TRPM3: variants seen among roughly 807,000 people sequenced by gnomAD.
TRPM3 encodes the protein long transient receptor potential channel 3.
TRPM3 carries 77 observed loss-of-function variants against 181.2 expected under a neutral mutation model. The ratio of observed to expected loss-of-function variants is 0.42; its 90% CI spans 0.35 to 0.51. The LOEUF (loss-of-function observed/expected upper bound fraction) is 0.51. Ranked by LOEUF, TRPM3 falls within the 20% of genes least tolerant of loss-of-function variation. The pLI, the probability that TRPM3 is intolerant of heterozygous loss-of-function variation, is 0.01. For synonymous variants in TRPM3, 745 were observed against 796.4 expected, an observed-to-expected ratio of 0.94 and a Z score of 1.09; for missense variants, 1,759 against 2,196.7, an observed-to-expected ratio of 0.80 and a Z score of 3.98.
intron 1 of TRPM3, among the ~76,000 whole-genome samples, chr9:70,928,814 T>C (rs1160628834): frequency 6.6e-6 from 1 of 152,192 alleles, no homozygotes; most frequent in African/African-American, 2.4e-5. Flanking sequence ...TGGCTGATCT[T>C]GGCCCTTGCT....
intron 1 of TRPM3, among the ~76,000 whole-genome samples, chr9:71,131,216 C>T (rs905786246): frequency 6.6e-6 from 1 of 152,162 alleles, no homozygotes; most frequent in African/African-American, 2.4e-5. Flanking sequence ...ATATGCTGTT[C>T]CCTCTTCTAA....
At chr9:70,692,246 G>A (rs2068823404) in intron 8 of TRPM3, among the ~76,000 whole-genome samples, 1 of 152,172 alleles carries the variant, frequency 6.6e-6, no homozygotes, top group African/African-American at 2.4e-5. Flanking sequence ...TTGTCCAATA[G>A]ATGTGTTGTA....
At chr9:71,427,695 G>A (rs997455269) in intron 1 of TRPM3, among the ~76,000 whole-genome samples, 28 of 152,236 alleles carry the variant, frequency 1.8e-4, no homozygotes, top group African/African-American at 5.8e-4. Flanking sequence ...CACCAAGTGC[G>A]AGCTAAACAT....
intron 1 of TRPM3, among the ~76,000 whole-genome samples, chr9:71,057,577 G>A (rs931024605): frequency 6.6e-6 from 1 of 151,968 alleles, no homozygotes; most frequent in Non-Finnish European, 1.5e-5. Context: ...TGATGTGTCT[G>A]GCATTTCATA....
chr9:70,572,713 T>C (rs1385872931), intron 22 of TRPM3, among the ~76,000 whole-genome samples: 2 of 152,214 alleles, frequency 1.3e-5, no homozygotes, highest in African/African-American at 4.8e-5. Context: ...TTTTATAACA[T>C]ATCAGTGAGT....
chr9:71,237,454 A>G (rs1400649981), intron 1 of TRPM3, among the ~76,000 whole-genome samples: 1 of 152,118 alleles, frequency 6.6e-6, no homozygotes. Flanking sequence ...AAGGTGGCTG[A>G]GGGGAAAAAA....
At chr9:71,036,297 G>A (rs1169765566) in intron 1 of TRPM3, among the ~76,000 whole-genome samples, 2 of 152,082 alleles carry the variant, frequency 1.3e-5, no homozygotes, top group Non-Finnish European at 2.9e-5. Flanking sequence ...CAATTTCAGT[G>A]ACTGCTTTAC....
intron 1 of TRPM3, among the ~76,000 whole-genome samples, chr9:70,896,803 G>T (rs912175738): frequency 6.8e-5 from 10 of 147,588 alleles, no homozygotes; most frequent in African/African-American, 2.5e-4. Flanking sequence ...GATGAGATTT[G>T]CAGGGGCTAA....
At position 70,536,978 on chromosome 9, in the gene TRPM3, C is replaced by T. The variant is rs369084766; in HGVS notation, c.4135G>A (p.Ala1379Thr). 137 of 1,613,234 alleles carry T rather than the reference C, an allele frequency of 8.5e-5. No homozygotes were observed. Among genetic ancestry groups the T allele is most frequent in the Middle Eastern group, 1.6e-4 (1 of 6,084 alleles). ...FKERSLSLHR[A>T]TSSHSVAKEP... ...TTTGCTACAGAGTGGGAACTAGTAG[C>T]CCGGTGTAGGCTCAGGGACCTTTCT... The change falls in exon 26 of 26, where the codon GCT becomes ACT. Residue 1379 changes from alanine (A) to threonine (T), a missense_variant. Around this residue, in one of 8 missense-constraint regions of TRPM3, gnomAD observed 612 missense variants for 590.0 expected, o/e 1.04. Transcript: ENST00000677713.
intron 6 of TRPM3, among the ~76,000 whole-genome samples, chr9:70,811,461 C>G (rs1322702201): frequency 2.6e-5 from 4 of 152,154 alleles, no homozygotes; most frequent in African/African-American, 9.7e-5. Flanking sequence ...AATCATAGCT[C>G]TTTGCTGGAG....
intron 1 of TRPM3, among the ~76,000 whole-genome samples, chr9:71,297,708 G>A (rs192969403): frequency 2.6e-4 from 39 of 152,282 alleles, no homozygotes; most frequent in African/African-American, 9.4e-4. Flanking sequence ...GATGAGATAT[G>A]GGTTGGGACA....
chr9:71,015,407 C>T (rs1199759059), intron 1 of TRPM3, among the ~76,000 whole-genome samples: 1 of 152,192 alleles, frequency 6.6e-6, no homozygotes, highest in African/African-American at 2.4e-5. Context: ...ATAATTAACA[C>T]TTCAGCCAGG....
chr9:70,552,700 C>T lies in TRPM3; in HGVS notation c.3574+144G>A, dbSNP rs143854489. On this transcript the variant is annotated intron_variant, in intron 24 of 25. Coordinates refer to ENST00000677713, the MANE Select transcript of TRPM3 (RefSeq NM_001366145.2). ...CTCATTCAAGTCAACTCCCTCATCC[C>T]CCAATGCTCTCCAAGCCTTCAGAGC... is the stretch of plus-strand genomic sequence containing the variant. 12 of 816,232 alleles carry T rather than the reference C, an allele frequency of 1.5e-5. No individual in the cohort carries two copies. The South Asian group carries it at 1.8e-4, about 12-fold the overall frequency. 50.6% of individuals were successfully genotyped at this position (816,232 alleles called of 1,614,324 possible). A position where few individuals can be genotyped will look rare whatever the true frequency, so the allele number is the denominator to read the frequency against.
chr9:71,354,103 G>A lies in TRPM3; in HGVS notation c.183+92550C>T, dbSNP rs189539867. On this transcript the variant is annotated intron_variant, in intron 1 of 24. Transcript: ENST00000357533. ...TATTTCCGTATGCTTTCCTCTCTCC[G>A]CTCCTGAAATTTTGTTCATGTTTTG... 1.5e-4 allele frequency among the ~76,000 whole-genome samples: 23 copies of A among 152,088 alleles called. No individual in the cohort carries two copies. The Middle Eastern group carries it at 0.02, about 135-fold the overall frequency.
chr9:70,956,255 A>T (rs1440393919), intron 1 of TRPM3, among the ~76,000 whole-genome samples: 3 of 151,620 alleles, frequency 2.0e-5, no homozygotes, highest in Non-Finnish European at 2.9e-5. Context: ...TAAGAAATCA[A>T]ATAAATAAAG....
intron 1 of TRPM3, among the ~76,000 whole-genome samples, chr9:71,362,066 C>T (rs1027382783): frequency 2.0e-5 from 3 of 152,118 alleles, no homozygotes; most frequent in Non-Finnish European, 4.4e-5. Flanking sequence ...TGGGAAGGCA[C>T]CTTGGGCTGC....
At chr9:70,999,481 C>T (rs974605640) in intron 1 of TRPM3, among the ~76,000 whole-genome samples, 2 of 152,026 alleles carry the variant, frequency 1.3e-5, no homozygotes, top group Non-Finnish European at 2.9e-5. Context: ...GAAAAGAAAC[C>T]TTCATGTTTT....
intron 1 of TRPM3, among the ~76,000 whole-genome samples, chr9:71,156,530 C>G (rs971174713): frequency 6.6e-6 from 1 of 151,776 alleles, no homozygotes; most frequent in African/African-American, 2.4e-5. Context: ...TATAAACAAA[C>G]AAATCTAATT....
At chr9:71,446,448 G>A (rs1220101510) in intron 1 of TRPM3, among the ~76,000 whole-genome samples, 2 of 152,144 alleles carry the variant, frequency 1.3e-5, no homozygotes, top group African/African-American at 2.4e-5. Flanking sequence ...AGAGACGTCA[G>A]GAGACCCTCC....
Sources: allele counts gnomAD v4.1 joint callset (sites outside exome capture counted in the v4.1 genomes callset), GRCh38; gene constraint gnomAD v4.1.1; regional missense constraint gnomAD v4.1.1; transcripts MANE v1.5; gene names NCBI Gene and HGNC (gene_info 2026-07-23, HGNC 2026-07-21).